PRKCA: variants seen among roughly 807,000 people sequenced by gnomAD.
The protein encoded by PRKCA is protein kinase C alpha type.
PRKCA carries 27 observed loss-of-function variants against 87.0 expected under a neutral mutation model. That is an observed-to-expected ratio of 0.31 (90% CI 0.23 to 0.43). The LOEUF is 0.43. Among genes scored for constraint, PRKCA ranks in the 20% least tolerant of loss-of-function variants. PRKCA has a pLI of 1.00. For synonymous variants in PRKCA, 329 were observed against 311.1 expected (o/e 1.06, Z -0.61); for missense variants, 518 against 852.3 (o/e 0.61, Z 4.88).
intron 2 of PRKCA, among the ~76,000 whole-genome samples, chr17:66,488,374 C>G (rs1916079256): frequency 6.6e-6 from 1 of 152,134 alleles, no homozygotes; most frequent in Non-Finnish European, 1.5e-5. Flanking sequence ...AGGTGATAGC[C>G]TTGCTGACGC....
At chr17:66,510,670 A>G (rs1243283489) in intron 3 of PRKCA, among the ~76,000 whole-genome samples, 2 of 152,232 alleles carry the variant, frequency 1.3e-5, no homozygotes, top group African/African-American at 4.8e-5. Context: ...GACTGTCTTC[A>G]GAAATCTTAG....
chr17:66,741,608 C>T (rs761103836), intron 11 of PRKCA, 51 bp from the exon 12 acceptor site: 5 of 1,566,536 alleles, frequency 3.2e-6, no homozygotes, highest in Non-Finnish European at 2.6e-6. Flanking sequence ...GTAAAGTATA[C>T]AGGCATCTAA....
chr17:66,725,385 T>C (rs1567997652), intron 8 of PRKCA, among the ~76,000 whole-genome samples: 1 of 152,182 alleles, frequency 6.6e-6, no homozygotes, highest in Non-Finnish European at 1.5e-5. Flanking sequence ...TGTGAATGAA[T>C]GAGAGAGAGA....
At chr17:66,474,063 TA>T (rs1915437925) in intron 2 of PRKCA, among the ~76,000 whole-genome samples, 1 of 152,246 alleles carries the variant, frequency 6.6e-6, no homozygotes, top group Non-Finnish European at 1.5e-5. Flanking sequence ...CCTTAATAAA[TA>T]AAATCATTTA....
chr17:66,315,950 A>G (rs913254669), intron 2 of PRKCA, among the ~76,000 whole-genome samples: 3 of 152,340 alleles, frequency 2.0e-5, no homozygotes, highest in Non-Finnish European at 4.4e-5. Context: ...TATCACGTAC[A>G]TTATATTACA....
At chr17:66,752,305 T>C (rs778222529) in intron 13 of PRKCA, among the ~76,000 whole-genome samples, 1 of 152,230 alleles carries the variant, frequency 6.6e-6, no homozygotes, top group Non-Finnish European at 1.5e-5. Context: ...AAAACAATAA[T>C]CACGTTGGGC....
chr17:66,769,174 A>G (rs1337547456), intron 13 of PRKCA, among the ~76,000 whole-genome samples: 1 of 152,040 alleles, frequency 6.6e-6, no homozygotes, highest in Non-Finnish European at 1.5e-5. Flanking sequence ...TATGCAACAA[A>G]GCAAAATCCT....
chr17:66,367,692 A>G (rs1908815843), intron 2 of PRKCA, among the ~76,000 whole-genome samples: 1 of 152,206 alleles, frequency 6.6e-6, no homozygotes, highest in Non-Finnish European at 1.5e-5. Flanking sequence ...AGTCAAAACA[A>G]TTAGTTCCTG....
intron 13 of PRKCA, 129 bp downstream of exon 13, chr17:66,742,889 T>G: frequency 9.7e-7 from 1 of 1,029,166 alleles, no homozygotes; most frequent in Non-Finnish European, 1.4e-6. Context: ...TGGACTAAAC[T>G]GGACAAAACA....
chr17:66,784,961 C>G (rs1160728099), intron 14 of PRKCA, among the ~76,000 whole-genome samples: 1 of 152,264 alleles, frequency 6.6e-6, no homozygotes, highest in African/African-American at 2.4e-5. Flanking sequence ...TTCTGAGTCC[C>G]TCACAGGCAG....
At chr17:66,457,669 G>T (rs1395248862) in intron 2 of PRKCA, among the ~76,000 whole-genome samples, 1 of 151,982 alleles carries the variant, frequency 6.6e-6, no homozygotes, top group Non-Finnish European at 1.5e-5. Context: ...AGATTTGATG[G>T]TTCTATAAGG....
At chr17:66,375,933 A>C (rs577542496) in intron 2 of PRKCA, among the ~76,000 whole-genome samples, 26 of 152,194 alleles carry the variant, frequency 1.7e-4, no homozygotes, top group Non-Finnish European at 2.9e-4. Flanking sequence ...TGAGCTGTGA[A>C]GATAACTGAG....
chr17:66,690,954 G>T (rs1184665102), intron 8 of PRKCA, among the ~76,000 whole-genome samples: 2 of 152,100 alleles, frequency 1.3e-5, no homozygotes, highest in African/African-American at 4.8e-5. Flanking sequence ...AATCAGCCTG[G>T]GCAACATGGC....
chr17:66,767,117 T>C (rs77635068), intron 13 of PRKCA, among the ~76,000 whole-genome samples: 5,171 of 152,282 alleles, frequency 0.034, 111 homozygotes, highest in East Asian at 0.046. Context: ...ATTAATTGAT[T>C]GGCTTTGAGC....
At chr17:66,440,047 TC>T (rs1470376043) in intron 2 of PRKCA, among the ~76,000 whole-genome samples, 5 of 152,310 alleles carry the variant, frequency 3.3e-5, no homozygotes, top group African/African-American at 1.2e-4. Flanking sequence ...CTTGGGGTTT[TC>T]CCCCCTTCCA....
At chr17:66,581,113 A>G (rs1356578513) in intron 3 of PRKCA, among the ~76,000 whole-genome samples, 1 of 152,244 alleles carries the variant, frequency 6.6e-6, no homozygotes, top group Non-Finnish European at 1.5e-5. Flanking sequence ...AAATTGTTTT[A>G]TGAGTGCATT....
At chr17:66,752,850 T>C (rs1974468958) in intron 13 of PRKCA, among the ~76,000 whole-genome samples, 1 of 152,194 alleles carries the variant, frequency 6.6e-6, no homozygotes. Flanking sequence ...AGCCACAGGC[T>C]GCTGAAGTCT....
intron 13 of PRKCA, among the ~76,000 whole-genome samples, chr17:66,765,446 A>ATC (rs1705951719): frequency 7.2e-6 from 1 of 138,454 alleles, no homozygotes. Flanking sequence ...ATATATATAT[A>ATC]TATATATATC....
At chr17:66,632,986 G>A (rs1285728490) in intron 3 of PRKCA, among the ~76,000 whole-genome samples, 1 of 152,198 alleles carries the variant, frequency 6.6e-6, no homozygotes, top group Non-Finnish European at 1.5e-5. Flanking sequence ...AGAATAAACT[G>A]AAGTGTTACA....
Sources: allele counts gnomAD v4.1 joint callset (sites outside exome capture counted in the v4.1 genomes callset), GRCh38; gene constraint gnomAD v4.1.1; transcripts MANE v1.5; gene names NCBI Gene and HGNC (gene_info 2026-07-23, HGNC 2026-07-21).